TBC1D5: variants seen among roughly 807,000 people sequenced by gnomAD.
The protein encoded by TBC1D5 is TBC1 domain family member 5.
In TBC1D5, 75 loss-of-function variants were observed where a neutral mutation model predicts 100.3. That is an observed-to-expected ratio of 0.75 (90% CI 0.62 to 0.91). TBC1D5 has a LOEUF of 0.91. Among genes scored for constraint, TBC1D5 ranks in the 40% least tolerant of loss-of-function variants. TBC1D5 has a pLI of 0.00. For synonymous variants in TBC1D5, 323 were observed against 325.6 expected (o/e 0.99, Z 0.09); for missense variants, 910 against 942.4 (o/e 0.97, Z 0.45).
intron 1 of TBC1D5, among the ~76,000 whole-genome samples, chr3:17,683,104 T>C (rs1046008263): frequency 3.3e-5 from 5 of 151,578 alleles, no homozygotes; most frequent in Admixed American, 1.3e-4. Flanking sequence ...CATCTAAAAG[T>C]TTAGAATTAT....
chr3:17,603,122 G>C (rs924034855), intron 2 of TBC1D5, among the ~76,000 whole-genome samples: 1 of 150,400 alleles, frequency 6.6e-6, no homozygotes, highest in African/African-American at 2.4e-5. Flanking sequence ...GTGTAAACAG[G>C]AAGAGTTCCA....
chr3:17,740,915 G>GC (rs1291658080), upstream of TBC1D5: 1 of 152,116 alleles, frequency 6.6e-6, no homozygotes, highest in East Asian at 1.9e-4. Flanking sequence ...TCACCATACA[G>GC]CATACAGACA....
At chr3:17,408,767 T>A (rs563066346) in intron 4 of TBC1D5, among the ~76,000 whole-genome samples, 1 of 152,146 alleles carries the variant, frequency 6.6e-6, no homozygotes, top group Non-Finnish European at 1.5e-5. Context: ...TTTCAATACA[T>A]TGAAGCTTTT....
chr3:17,454,589 A>G (rs1453674239), intron 3 of TBC1D5, among the ~76,000 whole-genome samples: 1 of 152,096 alleles, frequency 6.6e-6, no homozygotes, highest in Non-Finnish European at 1.5e-5. Flanking sequence ...CCTCCTGAGT[A>G]GCTGGGACTA....
chr3:17,529,402 C>T (rs1576532682), intron 2 of TBC1D5, among the ~76,000 whole-genome samples: 1 of 152,104 alleles, frequency 6.6e-6, no homozygotes, highest in African/African-American at 2.4e-5. Flanking sequence ...TTGGACACTG[C>T]CCACCACCAC....
At chr3:17,707,537 T>C (rs999990389) in intron 1 of TBC1D5, among the ~76,000 whole-genome samples, 4 of 152,102 alleles carry the variant, frequency 2.6e-5, no homozygotes, top group East Asian at 3.8e-4. Flanking sequence ...TGGAACAAAA[T>C]GTCAAAATAG....
intron 1 of TBC1D5, among the ~76,000 whole-genome samples, chr3:17,715,937 A>G (rs1220766464): frequency 2.7e-4 from 41 of 152,170 alleles, no homozygotes; most frequent in Admixed American, 2.6e-3. Flanking sequence ...CTGTAGTCCC[A>G]GTTACTCAAG....
At chr3:17,167,024 T>A in intron 20 of TBC1D5, 96 bp from the exon 22 acceptor site, 1 of 1,153,170 alleles carries the variant, frequency 8.7e-7, no homozygotes, top group Non-Finnish European at 1.2e-6. Context: ...AGCCTTGTCA[T>A]CAATCATTTT....
At chr3:17,288,291 C>G (rs892611044) in intron 15 of TBC1D5, among the ~76,000 whole-genome samples, 18 of 152,156 alleles carry the variant, frequency 1.2e-4, no homozygotes, top group Non-Finnish European at 1.9e-4. Flanking sequence ...TTTTGCAGCA[C>G]TGGGTTGGAC....
rs1462989163 is a variant in TBC1D5, at chr3:17,328,153, C to T, written c.996-20019G>A. Among the ~76,000 whole-genome samples, 3 of 151,838 alleles carry T rather than the reference C, an allele frequency of 2.0e-5. No homozygotes were observed. The South Asian group carries it at 6.3e-4, about 32-fold the overall frequency. On this transcript the variant is annotated intron_variant, in intron 13 of 21. Coordinates refer to ENST00000253692, the Ensembl canonical transcript of TBC1D5. ...GGTGTGGTGGTACACACCTATAGTC[C>T]CAGCTACTTGGGAGGCTGAAGTGGG...
chr3:17,510,362 G>T (rs2095890386), intron 2 of TBC1D5, among the ~76,000 whole-genome samples: 1 of 152,000 alleles, frequency 6.6e-6, no homozygotes, highest in South Asian at 2.1e-4. Flanking sequence ...ATCACAGTCA[G>T]ACGTTAATAA....
intron 17 of TBC1D5, among the ~76,000 whole-genome samples, chr3:17,234,431 GA>G (rs36030574): frequency 0.026 from 3,834 of 144,808 alleles, 136 homozygotes; most frequent in East Asian, 0.18. Context: ...AAGGAAACAG[GA>G]AAAAAAAAAA....
chr3:17,286,733 G>A (rs1250849889), intron 15 of TBC1D5, among the ~76,000 whole-genome samples: 1 of 152,326 alleles, frequency 6.6e-6, no homozygotes, highest in South Asian at 2.1e-4. Context: ...ATTTCTATGA[G>A]AAATATGTAA....
chr3:17,179,920 G>T (rs1323904991), intron 19 of TBC1D5, among the ~76,000 whole-genome samples: 1 of 152,212 alleles, frequency 6.6e-6, no homozygotes, highest in East Asian at 1.9e-4. Context: ...AGCAGCTCAT[G>T]TATTCCCTGT....
intron 1 of TBC1D5, among the ~76,000 whole-genome samples, chr3:17,678,446 A>G: frequency 6.6e-6 from 1 of 152,128 alleles, no homozygotes; most frequent in East Asian, 1.9e-4. Flanking sequence ...TCACAAGGAC[A>G]AAAAAGTGGA....
intron 2 of TBC1D5, among the ~76,000 whole-genome samples, chr3:17,528,072 G>C (rs1391988358): frequency 6.6e-6 from 1 of 151,954 alleles, no homozygotes; most frequent in African/African-American, 2.4e-5. Flanking sequence ...GCTGGGAGGG[G>C]TGGCTGAGAC....
chr3:17,691,920 CA>C (rs532925529), intron 1 of TBC1D5, among the ~76,000 whole-genome samples: 97 of 132,002 alleles, frequency 7.3e-4, no homozygotes, highest in Middle Eastern at 3.7e-3. Context: ...GAAGTAGAAA[CA>C]AAAAAAAAAA....
intron 10 of TBC1D5, among the ~76,000 whole-genome samples, chr3:17,375,903 C>A (rs572790230): frequency 6.6e-6 from 1 of 152,108 alleles, no homozygotes; most frequent in African/African-American, 2.4e-5. Context: ...CTGGACACAA[C>A]CTGACAGTCC....
chr3:17,615,915 C>T (rs1046867692), intron 2 of TBC1D5, among the ~76,000 whole-genome samples: 1 of 152,014 alleles, frequency 6.6e-6, no homozygotes, highest in Non-Finnish European at 1.5e-5. Context: ...TTAGTTATTT[C>T]TTGCCGTCTG....
Sources: allele counts gnomAD v4.1 joint callset (sites outside exome capture counted in the v4.1 genomes callset), GRCh38; gene constraint gnomAD v4.1.1; transcripts MANE v1.5; gene names NCBI Gene and HGNC (gene_info 2026-07-23, HGNC 2026-07-21).